Variants in KLHL22 observed in about 807,000 individuals in gnomAD.
KLHL22 encodes the protein kelch-like protein 22.
In KLHL22, 18 loss-of-function variants were observed where a neutral mutation model predicts 60.7. The ratio of observed to expected loss-of-function variants is 0.30; its 90% CI spans 0.20 to 0.44. KLHL22 has a LOEUF of 0.44. Among genes scored for constraint, KLHL22 ranks in the 20% least tolerant of loss-of-function variants. KLHL22 has a pLI of 1.00. For missense variants in KLHL22, 596 were observed against 852.3 expected, an observed-to-expected ratio of 0.70 and a Z score of 3.74; for synonymous variants, 355 against 354.5, an observed-to-expected ratio of 1.00 and a Z score of -0.01.
chr22:20,451,474 T>C, intron 5 of KLHL22: 1 of 1,599,840 alleles, frequency 6.3e-7, no homozygotes. Context: ...TACAGGACAC[T>C]GGACTAATGT....
rs534093704 is a variant in KLHL22, at chr22:20,441,887, A to G, written c.*186T>C. The G allele has an allele frequency of 2.0e-5, 10 of 488,096 alleles. No homozygotes were observed. The highest frequency in any genetic ancestry group is 6.1e-5 in the South Asian group (1 of 16,516). The allele number at this position is 488,096 out of a possible 1,614,324, so 30.2% of individuals were successfully genotyped here. On this transcript the variant is annotated 3_prime_UTR_variant, in exon 7 of 7. Transcript: ENST00000328879. ...ACGTAATCCACAGCCTGGGATCTGC[A>G]TGGCCCTGAGATGCCTGCGGCAGGC...
chr22:20,483,066 C>A, intron 2 of KLHL22: 1 of 663,262 alleles, frequency 1.5e-6, no homozygotes, highest in East Asian at 2.7e-5. Flanking sequence ...TGTGCCACCT[C>A]TGACTCCAGG....
At chr22:20,482,865 CCATT>C (rs2053526963) in intron 2 of KLHL22, 1 of 1,227,160 alleles carries the variant, frequency 8.1e-7, no homozygotes. Context: ...ACTTTGCCAT[CCATT>C]ATCTGGCAGG....
chr22:20,474,361 A>G (rs1227142696), intron 2 of KLHL22, among the ~76,000 whole-genome samples: 1 of 151,228 alleles, frequency 6.6e-6, no homozygotes, highest in East Asian at 2.0e-4. Flanking sequence ...AGACTGCCTC[A>G]CTCTTTGCAA....
chr22:20,471,570 T>G, intron 2 of KLHL22, 55 bp from the exon 3 acceptor site: 1 of 1,578,726 alleles, frequency 6.3e-7, no homozygotes, highest in Non-Finnish European at 8.6e-7. Context: ...CTTAAGCCCA[T>G]GTTGCCAAGA....
chr22:20,489,975 A>C (rs2053656660), intron 1 of KLHL22: 1 of 359,712 alleles, frequency 2.8e-6, no homozygotes, highest in Non-Finnish European at 5.6e-6. Flanking sequence ...CAAAAACCGC[A>C]AACTGATTTG....
intron 5 of KLHL22, chr22:20,451,844 C>T: frequency 6.3e-7 from 1 of 1,595,268 alleles, no homozygotes; most frequent in South Asian, 1.1e-5. Flanking sequence ...GAGCACCATC[C>T]AGAGCTAGTG....
At chr22:20,467,003 C>A (rs369963075) in intron 3 of KLHL22, among the ~76,000 whole-genome samples, 6 of 152,226 alleles carry the variant, frequency 3.9e-5, no homozygotes, top group Admixed American at 2.6e-4. Flanking sequence ...GAATAGGAGA[C>A]AAAGGGAAGG....
chr22:20,466,694 C>T (rs1267075267), intron 3 of KLHL22, among the ~76,000 whole-genome samples: 2 of 152,284 alleles, frequency 1.3e-5, no homozygotes, highest in African/African-American at 4.8e-5. Context: ...CAGGGTCTTG[C>T]TCTGTTGCCC....
rs894619788 is a variant in KLHL22, at chr22:20,495,195, C to G, written c.-34+565G>C. Reference sequence around the variant, plus strand: ...CCACTCGGCTCGGCCCGCACCGGATCTAAAATGGTCAGAACTGGCAGCCGA... The same window carrying G: ...CCACTCGGCTCGGCCCGCACCGGATGTAAAATGGTCAGAACTGGCAGCCGA... On this transcript the variant is annotated intron_variant, in intron 1 of 6. Coordinates refer to ENST00000328879, the MANE Select transcript of KLHL22 (RefSeq NM_032775.4). The surrounding 1 kb of genome is among the most constrained non-coding windows in gnomAD (Gnocchi z 4.6). 3.3e-5 allele frequency among the ~76,000 whole-genome samples: 5 copies of G among 152,146 alleles called. No homozygotes were observed. The highest frequency in any genetic ancestry group is 4.1e-4 in the South Asian group (2 of 4,832).
At chr22:20,462,051 T>C (rs1433200753) in intron 4 of KLHL22, among the ~76,000 whole-genome samples, 1 of 151,932 alleles carries the variant, frequency 6.6e-6, no homozygotes, top group African/African-American at 2.4e-5. Context: ...TGAGCCAAGA[T>C]TGCACCATTG....
intron 3 of KLHL22, among the ~76,000 whole-genome samples, chr22:20,470,546 G>A (rs190083746): frequency 1.3e-3 from 198 of 152,290 alleles, no homozygotes; most frequent in African/African-American, 3.1e-3. Flanking sequence ...CTATTTGGGA[G>A]GCTGAGGCAG....
In KLHL22 at chr22:20,476,712, C is replaced by CTTT. The variant is rs760025817; in HGVS notation, c.228-5200_228-5198dup. Among the ~76,000 whole-genome samples the CTTT allele has an allele frequency of 2.5e-5, 3 of 120,042 alleles. No homozygotes were observed. The Admixed American group carries it at 2.6e-4, about 10-fold the overall frequency. 78.8% of individuals were successfully genotyped at this position (120,042 alleles called of 152,430 possible). ...ACAGGCGTGAGCCACCACGCCCGGCCTTTTTTTTTTTTTGTGACAGAGTCT... is the reference window on the plus strand; with the variant it reads ...ACAGGCGTGAGCCACCACGCCCGGCCTTTTTTTTTTTTTTTTGTGACAGAGTCT... On this transcript the variant is annotated intron_variant, in intron 2 of 6. Coordinates refer to ENST00000328879, the MANE Select transcript of KLHL22 (RefSeq NM_032775.4).
chr22:20,474,509 A>G (rs566361600), intron 2 of KLHL22, among the ~76,000 whole-genome samples: 26 of 152,216 alleles, frequency 1.7e-4, no homozygotes, highest in African/African-American at 5.8e-4. Context: ...CTCCAAACTC[A>G]GCCTCCCGGG....
intron 2 of KLHL22, among the ~76,000 whole-genome samples, chr22:20,473,238 A>G (rs2053356852): frequency 6.6e-6 from 1 of 152,192 alleles, no homozygotes; most frequent in Admixed American, 6.5e-5. Context: ...GCAGCTAGAA[A>G]GCAGTAGCTG....
chr22:20,473,120 T>C (rs2053354844), intron 2 of KLHL22, among the ~76,000 whole-genome samples: 1 of 152,216 alleles, frequency 6.6e-6, no homozygotes, highest in Non-Finnish European at 1.5e-5. Flanking sequence ...GTGAACTGAC[T>C]GGCTTTCCGA....
intron 5 of KLHL22, among the ~76,000 whole-genome samples, chr22:20,455,942 G>A (rs1228103721): frequency 1.3e-5 from 2 of 152,170 alleles, no homozygotes; most frequent in East Asian, 1.9e-4. Context: ...TCTTATTCTG[G>A]AGCAGCCTGC....
At chr22:20,494,563 T>A (rs1048749652) in intron 1 of KLHL22, among the ~76,000 whole-genome samples, 8 of 152,124 alleles carry the variant, frequency 5.3e-5, no homozygotes, top group African/African-American at 1.9e-4. Context: ...GTATTTTTAG[T>A]AGAGACGGGG....
intron 2 of KLHL22, chr22:20,475,282 G>A (rs1285438064): frequency 6.6e-6 from 1 of 151,350 alleles, no homozygotes; most frequent in African/African-American, 2.4e-5. Context: ...ACAATCAACT[G>A]AGGTAACTCA....
Sources: gnomAD v4.1 joint callset for allele counts (sites outside exome capture counted in the v4.1 genomes callset) on GRCh38, gnomAD v4.1.1 for gene constraint, Gnocchi (gnomAD v3.1) non-coding constraint, MANE v1.5 for transcripts, NCBI Gene and HGNC (gene_info 2026-07-23, HGNC 2026-07-21) for gene names.